The following CEP70 variants were observed in gnomAD, a reference collection of about 807,000 sequenced individuals.
The protein encoded by CEP70 is centrosomal protein of 70 kDa.
CEP70 carries 70 observed loss-of-function variants against 90.9 expected under a neutral mutation model. The observed-to-expected ratio is 0.77, with a 90% CI of 0.64 to 0.94. The LOEUF (loss-of-function observed/expected upper bound fraction) is 0.94. CEP70 is among the 40% of genes least tolerant of loss of function. CEP70 has a pLI of 0.00. For synonymous variants in CEP70, 220 were observed against 228.3 expected, an observed-to-expected ratio of 0.96 and a Z score of 0.33; for missense variants, 648 against 669.0, an observed-to-expected ratio of 0.97 and a Z score of 0.35.
rs1443176288 is a variant in CEP70 at position 138,501,025 on chromosome 3, AT to A, written c.1222-145del. 11 of 306,730 alleles carry A rather than the reference AT, an allele frequency of 3.6e-5. 1 individual carries two copies. The highest frequency in any genetic ancestry group is 5.1e-5 in the Non-Finnish European group (9 of 177,672). The allele number at this position is 306,730 out of a possible 1,614,324, so 19.0% of individuals were successfully genotyped here. ...AAACATAATTACACAGGTTAAAAAA[AT>A]ATATATGTAACCATCATTTTTTTTA... On this transcript the variant is annotated intron_variant, in intron 13 of 17. Coordinates refer to ENST00000264982, the MANE Select transcript of CEP70 (RefSeq NM_024491.4).
chr3:138,516,306 C>A (rs2036015218), intron 11 of CEP70, among the ~76,000 whole-genome samples: 1 of 152,002 alleles, frequency 6.6e-6, no homozygotes. Context: ...AATAATTATT[C>A]ATTGAATATG....
intron 2 of CEP70, among the ~76,000 whole-genome samples, chr3:138,590,416 CTG>C (rs2042324401): frequency 6.6e-6 from 1 of 152,102 alleles, no homozygotes; most frequent in Non-Finnish European, 1.5e-5. Flanking sequence ...GCTCTGTCTA[CTG>C]AAATGCCTGA....
At chr3:138,524,355 A>G (rs2036989135) in intron 11 of CEP70, among the ~76,000 whole-genome samples, 2 of 152,146 alleles carry the variant, frequency 1.3e-5, no homozygotes, top group African/African-American at 4.8e-5. Flanking sequence ...CAATGGCAAC[A>G]AAAGCTAAAA....
intron 13 of CEP70, among the ~76,000 whole-genome samples, chr3:138,501,230 A>C (rs2034485383): frequency 2.6e-5 from 4 of 152,132 alleles, no homozygotes. Context: ...TGATACACAA[A>C]GAATAAACTT....
At chr3:138,534,547 G>A (rs2038102480) in intron 7 of CEP70, among the ~76,000 whole-genome samples, 1 of 152,128 alleles carries the variant, frequency 6.6e-6, no homozygotes, top group Admixed American at 6.5e-5. Context: ...TAAGTACTGG[G>A]AATTCTGAGC....
chr3:138,568,840 G>A (rs991360990), intron 6 of CEP70, among the ~76,000 whole-genome samples: 11 of 151,860 alleles, frequency 7.2e-5, no homozygotes, highest in African/African-American at 1.5e-4. Context: ...TTAGCCGGGC[G>A]TGGTGGTGCA....
intron 7 of CEP70, 34 bp downstream of exon 7, chr3:138,537,144 T>A: frequency 7.0e-7 from 1 of 1,420,914 alleles, no homozygotes; most frequent in Non-Finnish European, 9.3e-7. Flanking sequence ...CAACAATGAA[T>A]CTAGCTACAT....
chr3:138,582,977 A>G (rs1405513628), intron 2 of CEP70, among the ~76,000 whole-genome samples: 1 of 152,150 alleles, frequency 6.6e-6, no homozygotes, highest in Non-Finnish European at 1.5e-5. Flanking sequence ...CCAGAAAACA[A>G]CAAAATGACA....
intron 2 of CEP70, among the ~76,000 whole-genome samples, chr3:138,588,789 G>C (rs139867244): frequency 2.6e-5 from 4 of 152,138 alleles, no homozygotes; most frequent in Non-Finnish European, 4.4e-5. Flanking sequence ...ACAAATGTTC[G>C]TAAGAGCTTT....
At chr3:138,540,884 C>T (rs2038703808) in intron 6 of CEP70, among the ~76,000 whole-genome samples, 1 of 152,146 alleles carries the variant, frequency 6.6e-6, no homozygotes, top group Non-Finnish European at 1.5e-5. Context: ...AAATGTGGTA[C>T]ATATACACCA....
At position 138,494,457 on chromosome 3, in the gene CEP70, A is replaced by AT. The variant is rs2033849597; in HGVS notation, c.*557dup. 1 of 152,206 alleles carries AT rather than the reference A, an allele frequency of 6.6e-6. No individual in the cohort carries two copies. The highest frequency in any genetic ancestry group is 1.5e-5 in the Non-Finnish European group (1 of 68,044). 9.4% of individuals were successfully genotyped at this position (152,206 alleles called of 1,614,324 possible). On this transcript the variant is annotated 3_prime_UTR_variant, in exon 18 of 18. Coordinates refer to ENST00000264982, the MANE Select transcript of CEP70 (RefSeq NM_024491.4). Reference sequence around the variant, plus strand: ...ATGAGAGACTTCTATCTACTCATCCATTTTACCCTATGATTCATTTCCTAC... The same window carrying AT: ...ATGAGAGACTTCTATCTACTCATCCATTTTTACCCTATGATTCATTTCCTAC...
At chr3:138,550,169 A>G (rs2039513650) in intron 6 of CEP70, among the ~76,000 whole-genome samples, 1 of 152,292 alleles carries the variant, frequency 6.6e-6, no homozygotes, top group Non-Finnish European at 1.5e-5. Context: ...CACTCCCCAA[A>G]AATTACACTA....
Position 138,570,517 on chromosome 3 carries a change from A to C in CEP70, c.285-19T>G. 1 of 1,570,768 alleles carries C rather than the reference A, an allele frequency of 6.4e-7. No homozygotes were observed. Among genetic ancestry groups the C allele is most frequent in the Non-Finnish European group, 8.6e-7 (1 of 1,159,880 alleles). ...TTCATTTCTAAGTTAATAGACATAC[A>C]ATTTCTTCCCTTAGTATTAAAAATA... On this transcript the variant is annotated intron_variant, in intron 5 of 17. Coordinates refer to ENST00000264982, the MANE Select transcript of CEP70 (RefSeq NM_024491.4).
At chr3:138,593,299 A>C (rs1238923847) in intron 1 of CEP70, among the ~76,000 whole-genome samples, 1 of 152,120 alleles carries the variant, frequency 6.6e-6, no homozygotes, top group Non-Finnish European at 1.5e-5. Context: ...CTCGGCTCAC[A>C]GCAACCTCCG....
At position 138,572,976 on chromosome 3, in the gene CEP70, T is replaced by C. The variant is rs74478721; in HGVS notation, c.-5-44A>G. 229 of 1,369,038 alleles carry C rather than the reference T, an allele frequency of 1.7e-4. 1 individual carries two copies. In the African/African-American group the frequency reaches 3.1e-3, roughly 18 times the overall value. 84.8% of individuals were successfully genotyped at this position (1,369,038 alleles called of 1,614,324 possible). ...AAACAGAAATTGGCAATTAAAAAAT[T>C]TGAGTTGCCTAAATGAAAAAAGACA... On this transcript the variant is annotated intron_variant, in intron 2 of 17. Coordinates refer to ENST00000264982, the MANE Select transcript of CEP70 (RefSeq NM_024491.4).
At chr3:138,516,077 TC>T (rs1456481591) in intron 11 of CEP70, among the ~76,000 whole-genome samples, 1 of 152,150 alleles carries the variant, frequency 6.6e-6, no homozygotes, top group African/African-American at 2.4e-5. Flanking sequence ...CCATCTCTTC[TC>T]CAAACTCATA....
intron 11 of CEP70, among the ~76,000 whole-genome samples, chr3:138,515,066 A>AAT (rs945073739): frequency 5.9e-5 from 9 of 152,122 alleles, no homozygotes; most frequent in Admixed American, 4.6e-4. Flanking sequence ...CAACAAGAAC[A>AAT]ATATATATAT....
chr3:138,543,796 C>T (rs1039515994), intron 6 of CEP70, among the ~76,000 whole-genome samples: 8 of 151,850 alleles, frequency 5.3e-5, no homozygotes, highest in African/African-American at 1.9e-4. Flanking sequence ...AGAGTGAGAC[C>T]CTATCTCAAA....
Position 138,510,461 on chromosome 3 carries a change from A to G in CEP70, c.945-1917T>C, listed in dbSNP as rs2035423025. Among the ~76,000 whole-genome samples the G allele has an allele frequency of 2.0e-5, 3 of 151,874 alleles. No individual in the cohort carries two copies. The South Asian group carries it at 6.2e-4, about 32-fold the overall frequency. ...AAAAAAAAAGAAATACTGTGTTAGGACTAATGGCATGGAGAGTTTTGAATG... is the reference window on the plus strand; with the variant it reads ...AAAAAAAAAGAAATACTGTGTTAGGGCTAATGGCATGGAGAGTTTTGAATG... On this transcript the variant is annotated intron_variant, in intron 11 of 17. Transcript: ENST00000264982.
Sources: gnomAD v4.1 joint callset for allele counts (sites outside exome capture counted in the v4.1 genomes callset) on GRCh38, gnomAD v4.1.1 for gene constraint, MANE v1.5 for transcripts, NCBI Gene and HGNC (gene_info 2026-07-23, HGNC 2026-07-21) for gene names.